The following GSE1 variants were observed in gnomAD, a reference collection of about 807,000 sequenced individuals.
GSE1 encodes Gse1 coiled-coil protein.
A neutral mutation model predicts 112.6 loss-of-function variants in GSE1; 32 were observed. That is an observed-to-expected ratio of 0.28 (90% CI 0.21 to 0.38). The LOEUF (loss-of-function observed/expected upper bound fraction) is 0.38, where lower values mean the gene tolerates loss of function less well. Ranked by LOEUF, GSE1 falls within the 10% of genes least tolerant of loss-of-function variation. The probability of loss-of-function intolerance (pLI) is 1.00; values close to 1 mark genes in which losing one functional copy is unlikely to be tolerated. For synonymous variants in GSE1, 1,115 were observed against 735.6 expected, an observed-to-expected ratio of 1.52 and a Z score of -8.35; for missense variants, 2,348 against 1,699.2, an observed-to-expected ratio of 1.38 and a Z score of -6.71.
chr16:85,602,095 T>C (rs926614491), intron 1 of GSE1, among the ~76,000 whole-genome samples: 4 of 152,112 alleles, frequency 2.6e-5, no homozygotes, highest in African/African-American at 9.7e-5. Flanking sequence ...TCCAGGGAAG[T>C]TGGCCTCTCC....
intron 2 of GSE1, among the ~76,000 whole-genome samples, chr16:85,443,317 C>T (rs543223422): frequency 5.8e-4 from 88 of 152,354 alleles, no homozygotes; most frequent in African/African-American, 2.0e-3. Context: ...GGTCCCTGTA[C>T]CCCAAGAGGC....
intron 2 of GSE1, among the ~76,000 whole-genome samples, chr16:85,488,547 G>A (rs777030673): frequency 6.6e-6 from 1 of 151,650 alleles, no homozygotes; most frequent in Non-Finnish European, 1.5e-5. Context: ...GACTGGTTAC[G>A]AAATGCTCAC....
intron 1 of GSE1, among the ~76,000 whole-genome samples, chr16:85,571,605 G>T (rs561020121): frequency 4.6e-4 from 70 of 152,334 alleles, no homozygotes; most frequent in African/African-American, 1.6e-3. Context: ...AGAGCCTAGT[G>T]GGGAGGTCTT....
chr16:85,540,630 G>A (rs2151205680), intron 2 of GSE1, among the ~76,000 whole-genome samples: 1 of 152,338 alleles, frequency 6.6e-6, no homozygotes, highest in South Asian at 2.1e-4. Flanking sequence ...CTTTGGTGCT[G>A]GAGGTACCCA....
At position 85,504,047 on chromosome 16, in the gene GSE1, T is replaced by C. The variant is rs141761814; in HGVS notation, c.2465-129867T>C. Among the ~76,000 whole-genome samples, 105 of 152,344 alleles carry C rather than the reference T, an allele frequency of 6.9e-4. 1 individual carries two copies. Among genetic ancestry groups the C allele is most frequent in the African/African-American group, 2.3e-3 (97 of 41,598 alleles). ...GAAAAGCGCCATCCTCCGCCCGCCC[T>C]CTGCCTCCCACGGTGCTGCCCGCAC... On this transcript the variant is annotated intron_variant, in intron 2 of 2. Coordinates refer to the GSE1 transcript ENST00000637419.
intron 1 of GSE1, among the ~76,000 whole-genome samples, chr16:85,298,425 T>TTTA (rs2045426986): frequency 6.6e-6 from 1 of 152,156 alleles, no homozygotes; most frequent in Non-Finnish European, 1.5e-5. Context: ...TAGTATTTTA[T>TTTA]TTATTATTAT....
intron 1 of GSE1, among the ~76,000 whole-genome samples, chr16:85,316,477 C>T (rs558173844): frequency 2.0e-5 from 3 of 152,300 alleles, no homozygotes; most frequent in African/African-American, 7.2e-5. Flanking sequence ...GCCACTGGTC[C>T]GGGTGTCCTC....
rs576925198 is a variant in GSE1 at position 85,400,550 on chromosome 16, G to GC, written c.2464+42907_2464+42908insC. ...CTGTGTGTTTTGTATGTCTGTGTGT[G>GC]TGTTGCGTGTGGTTGTGTACCTGTG... On this transcript the variant is annotated intron_variant, in intron 2 of 2. Coordinates refer to the GSE1 transcript ENST00000637419. Among the ~76,000 whole-genome samples, 26 of 151,712 alleles carry GC rather than the reference G, an allele frequency of 1.7e-4. 1 individual carries two copies. In the East Asian group the frequency reaches 4.6e-3, roughly 27 times the overall value.
chr16:85,310,549 A>T (rs557963213), intron 1 of GSE1, among the ~76,000 whole-genome samples: 6 of 134,520 alleles, frequency 4.5e-5, no homozygotes, highest in African/African-American at 1.7e-4. Context: ...CACCTCTCAG[A>T]TCCTGTCACC....
chr16:85,651,561 C>T lies in GSE1; in HGVS notation c.427-2717C>T, dbSNP rs1313515199. 2.6e-5 allele frequency among the ~76,000 whole-genome samples: 4 copies of T among 152,088 alleles called. No individual in the cohort carries two copies. The East Asian group carries it at 5.8e-4, about 22-fold the overall frequency. ...CCTCCTTGTGGCGGGGCGGCTGGGG[C>T]CCTGTGCTTTGCCGTTTGACCCGGC... On this transcript the variant is annotated intron_variant, in intron 3 of 15. Coordinates refer to ENST00000253458, the MANE Select transcript of GSE1 (RefSeq NM_014615.5).
intron 1 of GSE1, among the ~76,000 whole-genome samples, chr16:85,262,738 C>T (rs1430963870): frequency 6.6e-6 from 1 of 152,232 alleles, no homozygotes; most frequent in Non-Finnish European, 1.5e-5. Flanking sequence ...CCCCACAGCC[C>T]AGTTTCCTCA....
chr16:85,276,739 G>A (rs905924834), intron 1 of GSE1, among the ~76,000 whole-genome samples: 1 of 152,130 alleles, frequency 6.6e-6, no homozygotes, highest in Non-Finnish European at 1.5e-5. Flanking sequence ...GGTGTGTGGG[G>A]TGGGACCTCG....
chr16:85,207,619 G>A (rs1046669370), intron 1 of GSE1, among the ~76,000 whole-genome samples: 6 of 152,168 alleles, frequency 3.9e-5, no homozygotes, highest in African/African-American at 1.2e-4. Context: ...TGAGGAGCCC[G>A]GGCTGCAGAG....
intron 1 of GSE1, among the ~76,000 whole-genome samples, chr16:85,298,141 T>G (rs2045418898): frequency 6.6e-6 from 1 of 152,150 alleles, no homozygotes; most frequent in Non-Finnish European, 1.5e-5. Context: ...GAAAAGCGGA[T>G]TCGAATTCCG....
At chr16:85,564,005 C>T (rs1411413475) in intron 1 of GSE1, among the ~76,000 whole-genome samples, 1 of 152,236 alleles carries the variant, frequency 6.6e-6, no homozygotes, top group Non-Finnish European at 1.5e-5. Flanking sequence ...CCCCTGTGAG[C>T]TGGGCAGGGC....
intron 1 of GSE1, among the ~76,000 whole-genome samples, chr16:85,564,470 G>A (rs931733517): frequency 4.6e-5 from 7 of 152,206 alleles, no homozygotes; most frequent in Non-Finnish European, 8.8e-5. Context: ...TTTTCTGGGC[G>A]TGCAGAGGAA....
intron 1 of GSE1, among the ~76,000 whole-genome samples, chr16:85,356,994 A>T (rs573469458): frequency 1.3e-4 from 20 of 152,334 alleles, no homozygotes; most frequent in African/African-American, 4.8e-4. Flanking sequence ...TGGTTTGCCC[A>T]GCTCTCTGAG....
At chr16:85,376,805 C>T (rs1052539361) in intron 2 of GSE1, among the ~76,000 whole-genome samples, 3 of 152,158 alleles carry the variant, frequency 2.0e-5, no homozygotes, top group Admixed American at 1.3e-4. Context: ...GAGGTGGGGG[C>T]TGTGAAGGGG....
intron 2 of GSE1, among the ~76,000 whole-genome samples, chr16:85,520,428 AT>A (rs376118011): frequency 0.028 from 3,954 of 142,710 alleles, 78 homozygotes; most frequent in South Asian, 0.078. Flanking sequence ...CCCTGCTCCT[AT>A]TTTTTTTTTT....
Sources: allele counts gnomAD v4.1 joint callset (sites outside exome capture counted in the v4.1 genomes callset), GRCh38; gene constraint gnomAD v4.1.1; transcripts MANE v1.5; gene names NCBI Gene and HGNC (gene_info 2026-07-23, HGNC 2026-07-21).